The following TSHZ2 variants were observed in gnomAD, a reference collection of about 807,000 sequenced individuals.
TSHZ2 encodes the protein teashirt homolog 2.
A neutral mutation model predicts 74.4 loss-of-function variants in TSHZ2; 21 were observed. The ratio of observed to expected loss-of-function variants is 0.28; its 90% CI spans 0.20 to 0.41. TSHZ2 has a LOEUF of 0.41. Ranked by LOEUF, TSHZ2 falls within the 10% of genes least tolerant of loss-of-function variation. TSHZ2 has a pLI of 1.00. For synonymous variants in TSHZ2, 540 were observed against 515.3 expected (o/e 1.05, Z -0.65); for missense variants, 1,244 against 1,293.5 (o/e 0.96, Z 0.59).
chr20:53,450,949 C>G (rs907251259), intron 2 of TSHZ2, among the ~76,000 whole-genome samples: 5 of 152,016 alleles, frequency 3.3e-5, no homozygotes, highest in Admixed American at 2.6e-4. Flanking sequence ...CTTAATACTA[C>G]TTTCCAGTCT....
chr20:53,454,219 T>G (rs1001480157), intron 2 of TSHZ2, among the ~76,000 whole-genome samples: 9 of 152,148 alleles, frequency 5.9e-5, no homozygotes, highest in Non-Finnish European at 1.3e-4. Context: ...CTTAACTGTC[T>G]TAGGCTGTGG....
chr20:53,306,608 T>C (rs1978556198), intron 2 of TSHZ2, among the ~76,000 whole-genome samples: 1 of 152,162 alleles, frequency 6.6e-6, no homozygotes, highest in Admixed American at 6.5e-5. Context: ...AGTTAAATAT[T>C]TAAATGATTT....
At chr20:53,189,117 G>A (rs1191923447) in intron 1 of TSHZ2, among the ~76,000 whole-genome samples, 1 of 152,184 alleles carries the variant, frequency 6.6e-6, no homozygotes. Flanking sequence ...GTGTACAAAT[G>A]TAACGAGAAA....
At chr20:53,266,279 T>G (rs992222182) in intron 2 of TSHZ2, among the ~76,000 whole-genome samples, 1 of 152,140 alleles carries the variant, frequency 6.6e-6, no homozygotes, top group African/African-American at 2.4e-5. Context: ...GGACACAGCA[T>G]GAAAAGAGAA....
chr20:53,244,491 ACTGGAG>A (rs1990153762), intron 1 of TSHZ2, among the ~76,000 whole-genome samples: 1 of 152,122 alleles, frequency 6.6e-6, no homozygotes, highest in East Asian at 1.9e-4. Flanking sequence ...TGATTTCTAA[ACTGGAG>A]CTACCAAAAA....
intron 1 of TSHZ2, among the ~76,000 whole-genome samples, chr20:53,008,669 T>C (rs1355437898): frequency 6.6e-6 from 1 of 151,764 alleles, no homozygotes; most frequent in Non-Finnish European, 1.5e-5. Flanking sequence ...GCTGATATAA[T>C]AAGGAGTTTG....
At position 53,283,999 on chromosome 20, in the gene TSHZ2, G is replaced by A. The variant is rs116621256; in HGVS notation, c.*8+27428G>A. On this transcript the variant is annotated intron_variant, in intron 2 of 2. Coordinates refer to ENST00000371497, the MANE Select transcript of TSHZ2 (RefSeq NM_173485.6). The stretch of plus-strand genomic sequence containing the variant: ...GAGCTTCGAGGAGTTTGGGGTGAAA[G>A]AAGGTGGCAGAAGGAAAGTAAAAAC... Among the ~76,000 whole-genome samples, 1,011 of 152,358 alleles carry A rather than the reference G, an allele frequency of 6.6e-3. 14 individuals carry two copies. Among genetic ancestry groups the A allele is most frequent in the African/African-American group, 0.023 (975 of 41,578 alleles).
intron 1 of TSHZ2, among the ~76,000 whole-genome samples, chr20:53,002,274 C>T (rs1982469946): frequency 6.6e-6 from 1 of 152,242 alleles, no homozygotes; most frequent in Non-Finnish European, 1.5e-5. Flanking sequence ...GGCTGATCTA[C>T]CTAGCCAGGG....
At chr20:53,027,405 A>G (rs1281775174) in intron 1 of TSHZ2, among the ~76,000 whole-genome samples, 1 of 152,202 alleles carries the variant, frequency 6.6e-6, no homozygotes, top group African/African-American at 2.4e-5. Flanking sequence ...ACCTTATGGT[A>G]CTTTATCTAA....
intron 1 of TSHZ2, among the ~76,000 whole-genome samples, chr20:53,237,504 AGTGTGT>A (rs59294548): frequency 2.7e-5 from 4 of 149,602 alleles, no homozygotes; most frequent in African/African-American, 7.4e-5. Context: ...TCTCTGTGTG[AGTGTGT>A]GTGTGTGTGT....
chr20:53,337,733 C>T (rs575930741), intron 2 of TSHZ2, among the ~76,000 whole-genome samples: 4 of 152,206 alleles, frequency 2.6e-5, no homozygotes, highest in African/African-American at 7.2e-5. Flanking sequence ...ACTCATTTCC[C>T]TTCCATGCGT....
chr20:53,418,762 C>T (rs769140516), intron 2 of TSHZ2, among the ~76,000 whole-genome samples: 3 of 152,116 alleles, frequency 2.0e-5, no homozygotes, highest in Non-Finnish European at 2.9e-5. Context: ...TAGAGACTCC[C>T]AGGTTCTCAA....
chr20:53,406,018 TA>T (rs1568903486), intron 2 of TSHZ2, among the ~76,000 whole-genome samples: 1 of 151,756 alleles, frequency 6.6e-6, no homozygotes, highest in Non-Finnish European at 1.5e-5. Context: ...TACTTTTTTT[TA>T]AAAAAAAGAA....
intron 1 of TSHZ2, among the ~76,000 whole-genome samples, chr20:53,085,577 G>A (rs972893810): frequency 1.3e-5 from 2 of 152,098 alleles, no homozygotes; most frequent in Non-Finnish European, 2.9e-5. Context: ...TTATTTACAT[G>A]CCAGGCCCCT....
At chr20:53,295,622 A>C (rs1057157319) in intron 2 of TSHZ2, among the ~76,000 whole-genome samples, 12 of 152,212 alleles carry the variant, frequency 7.9e-5, no homozygotes, top group Non-Finnish European at 1.8e-4. Context: ...TAATCACTAG[A>C]CTAAATGGAA....
At chr20:53,338,008 T>C (rs2741356) in intron 2 of TSHZ2, among the ~76,000 whole-genome samples, 17,699 of 152,166 alleles carry the variant, frequency 0.12, 1,420 homozygotes, top group East Asian at 0.3. Context: ...GCATGAGACG[T>C]GTTCATGAGG....
intron 1 of TSHZ2, among the ~76,000 whole-genome samples, chr20:53,118,795 A>G (rs1222358349): frequency 6.6e-6 from 1 of 152,184 alleles, no homozygotes; most frequent in Admixed American, 6.5e-5. Context: ...GTCCATTCTC[A>G]CATTGCTTTA....
At chr20:53,484,629 G>T (rs7262162) in intron 2 of TSHZ2, among the ~76,000 whole-genome samples, 4 of 151,564 alleles carry the variant, frequency 2.6e-5, no homozygotes, top group African/African-American at 9.7e-5. Flanking sequence ...CATGTGATCC[G>T]CCCGCCGTTG....
chr20:53,398,005 A>C (rs566801420), intron 2 of TSHZ2: 2 of 152,310 alleles, frequency 1.3e-5, no homozygotes, highest in African/African-American at 4.8e-5. Context: ...GGGAAGGGAT[A>C]GCATTAGGAG....
Sources: gnomAD v4.1 joint callset for allele counts (sites outside exome capture counted in the v4.1 genomes callset) on GRCh38, gnomAD v4.1.1 for gene constraint, MANE v1.5 for transcripts, NCBI Gene and HGNC (gene_info 2026-07-23, HGNC 2026-07-21) for gene names.